Variants in NRG1 observed in about 807,000 individuals in gnomAD.
NRG1 encodes neuregulin 1.
A neutral mutation model predicts 63.8 loss-of-function variants in NRG1; 18 were observed. That is an observed-to-expected ratio of 0.28 (90% CI 0.19 to 0.42). NRG1 has a LOEUF of 0.42. NRG1 is among the 10% of genes least tolerant of loss of function. NRG1 has a pLI of 1.00. For missense variants in NRG1, 762 were observed against 814.7 expected (o/e 0.94, Z 0.79); for synonymous variants, 302 against 301.3 (o/e 1.00, Z -0.02).
At chr8:32,118,218 C>A (rs756922128) in intron 1 of NRG1, among the ~76,000 whole-genome samples, 34 of 152,068 alleles carry the variant, frequency 2.2e-4, no homozygotes, top group Non-Finnish European at 4.0e-4. Context: ...GTCATGAGGG[C>A]AGATCCTTCA....
Position 31,869,633 on chromosome 8 carries a change from G to A in NRG1, c.37+230202G>A, listed in dbSNP as rs540559314. On this transcript the variant is annotated intron_variant, in intron 1 of 10. Transcript: ENST00000519301. Reference sequence around the variant, plus strand: ...CGTTTTTGCCTTTCAGGGATTATTCGTGCTCTGTGTTAGATGTGAACTTTT... The same window carrying A: ...CGTTTTTGCCTTTCAGGGATTATTCATGCTCTGTGTTAGATGTGAACTTTT... Among the ~76,000 whole-genome samples, 15 of 152,240 alleles carry A rather than the reference G, an allele frequency of 9.9e-5. No individual in the cohort carries two copies. In the South Asian group the frequency reaches 2.1e-3, roughly 21 times the overall value.
In NRG1 at chr8:32,654,567, T is replaced by A. The variant is rs898330327; in HGVS notation, c.502+37682T>A. 3.6e-5 allele frequency among the ~76,000 whole-genome samples: 5 copies of A among 137,398 alleles called. 1 individual carries two copies. The highest frequency in any genetic ancestry group is 1.3e-4 in the African/African-American group (5 of 37,362). The allele number at this position is 137,398 out of a possible 152,430, so 90.1% of individuals were successfully genotyped here. On this transcript the variant is annotated intron_variant, in intron 5 of 11. Coordinates refer to ENST00000356819, the Ensembl canonical transcript of NRG1. ...TCGCTTCAACCTGGGAGGCGGAGGT[T>A]GCAGTGAGCCGAGATCGTGCCACTG...
chr8:32,389,095 A>G (rs763404104), intron 1 of NRG1, among the ~76,000 whole-genome samples: 4 of 152,186 alleles, frequency 2.6e-5, no homozygotes, highest in African/African-American at 7.2e-5. Context: ...TCTATCGCCA[A>G]ATTGTCTTAA....
intron 1 of NRG1, among the ~76,000 whole-genome samples, chr8:32,010,394 T>C (rs1219505092): frequency 6.6e-6 from 1 of 152,074 alleles, no homozygotes; most frequent in Non-Finnish European, 1.5e-5. Context: ...CACTTCATTC[T>C]CTCCATCCTC....
At chr8:32,327,253 G>C (rs1477996022) in intron 1 of NRG1, among the ~76,000 whole-genome samples, 1 of 152,208 alleles carries the variant, frequency 6.6e-6, no homozygotes, top group Middle Eastern at 3.2e-3. Context: ...TTCCATATGT[G>C]AACAATATTG....
At chr8:32,674,503 T>C (rs1027548995) in intron 5 of NRG1, among the ~76,000 whole-genome samples, 1 of 152,154 alleles carries the variant, frequency 6.6e-6, no homozygotes, top group South Asian at 2.1e-4. Flanking sequence ...TAAATTCGTA[T>C]ATGACAACTG....
At chr8:32,252,399 A>C (rs1324965118) in intron 1 of NRG1, among the ~76,000 whole-genome samples, 1 of 152,146 alleles carries the variant, frequency 6.6e-6, no homozygotes. Flanking sequence ...GTCCAGTTTC[A>C]GTTTTTTGCA....
chr8:32,305,551 C>T (rs775814775), intron 1 of NRG1, among the ~76,000 whole-genome samples: 4 of 152,120 alleles, frequency 2.6e-5, no homozygotes, highest in East Asian at 1.9e-4. Context: ...GAAGGATTGC[C>T]GTGTGTATCT....
intron 1 of NRG1, among the ~76,000 whole-genome samples, chr8:31,745,201 C>T (rs1330836234): frequency 6.6e-6 from 1 of 151,866 alleles, no homozygotes; most frequent in East Asian, 2.0e-4. Context: ...ATGTTTGAAA[C>T]CTGCTGAGTA....
intron 1 of NRG1, among the ~76,000 whole-genome samples, chr8:32,118,035 A>T (rs1366281399): frequency 6.6e-6 from 1 of 152,092 alleles, no homozygotes; most frequent in African/African-American, 2.4e-5. Flanking sequence ...CCCTGCTTTT[A>T]TTCTGGGAAT....
chr8:32,749,227 G>A (rs1370999300), intron 7 of NRG1: 1 of 284,148 alleles, frequency 3.5e-6, no homozygotes, highest in Admixed American at 4.8e-5. Flanking sequence ...TGCCTTTTCT[G>A]ATTATAAAGA....
At chr8:32,586,891 A>G (rs544557492) in intron 1 of NRG1, among the ~76,000 whole-genome samples, 1 of 152,326 alleles carries the variant, frequency 6.6e-6, no homozygotes, top group Admixed American at 6.5e-5. Flanking sequence ...TGGTCAATCA[A>G]TGGAGAAGAG....
intron 1 of NRG1, among the ~76,000 whole-genome samples, chr8:32,366,381 CA>C (rs1807984926): frequency 6.6e-6 from 1 of 151,894 alleles, no homozygotes; most frequent in Non-Finnish European, 1.5e-5. Context: ...TAGTAACTAC[CA>C]TTTTACTCTC....
At chr8:32,130,774 C>T (rs1166044725) in intron 1 of NRG1, among the ~76,000 whole-genome samples, 1 of 151,970 alleles carries the variant, frequency 6.6e-6, no homozygotes, top group Non-Finnish European at 1.5e-5. Flanking sequence ...TAGCCAAATA[C>T]CAGCCTTATC....
At chr8:31,700,077 T>A (rs1000743981) in intron 1 of NRG1, among the ~76,000 whole-genome samples, 3 of 152,182 alleles carry the variant, frequency 2.0e-5, no homozygotes, top group Admixed American at 6.5e-5. Context: ...ATGCAGGTAC[T>A]CTCCTGATAT....
At chr8:31,974,380 A>G (rs1240770356) in intron 1 of NRG1, among the ~76,000 whole-genome samples, 1 of 152,028 alleles carries the variant, frequency 6.6e-6, no homozygotes, top group Non-Finnish European at 1.5e-5. Flanking sequence ...ATGTTGCCCA[A>G]GCTGATCTCA....
rs551960825 is a variant in NRG1, at chr8:32,418,263, A to C, written c.38-177565A>C. Among the ~76,000 whole-genome samples the C allele has an allele frequency of 3.3e-5, 5 of 152,202 alleles. No homozygotes were observed. The South Asian group carries it at 1.0e-3, about 32-fold the overall frequency. On this transcript the variant is annotated intron_variant, in intron 1 of 10. Transcript: ENST00000519301. ...TAAAATATAACGTGTGTTACATATG[A>C]AGTTAAAAATGTTTAGTAACCAAAT...
intron 1 of NRG1, among the ~76,000 whole-genome samples, chr8:32,595,146 A>G (rs983702468): frequency 5.0e-4 from 76 of 152,312 alleles, no homozygotes; most frequent in African/African-American, 1.7e-3. Flanking sequence ...AACACGCTTT[A>G]AAAATAATGG....
intron 1 of NRG1, among the ~76,000 whole-genome samples, chr8:32,516,644 C>T (rs955430384): frequency 2.4e-4 from 36 of 152,104 alleles, no homozygotes; most frequent in Admixed American, 9.8e-4. Flanking sequence ...TATCTTCCAT[C>T]TCCTTGCTTA....
Sources: allele counts gnomAD v4.1 joint callset (sites outside exome capture counted in the v4.1 genomes callset), GRCh38; gene constraint gnomAD v4.1.1; transcripts MANE v1.5; gene names NCBI Gene and HGNC (gene_info 2026-07-23, HGNC 2026-07-21).